Variants in SPRYD7 observed in about 807,000 individuals in gnomAD.
SPRYD7 encodes the protein SPRY domain containing 7.
A neutral mutation model predicts 23.8 loss-of-function variants in SPRYD7; 14 were observed. The observed-to-expected ratio is 0.59, with a 90% confidence interval of 0.39 to 0.92. SPRYD7 has a LOEUF of 0.92. Ranked by LOEUF, SPRYD7 falls within the 40% of genes least tolerant of loss-of-function variation. The pLI is 0.00. For synonymous variants in SPRYD7, 75 were observed against 84.9 expected (o/e 0.88, Z 0.64); for missense variants, 194 against 241.7 (o/e 0.80, Z 1.31).
chr13:49,915,536 T>A (rs1955742763), intron 4 of SPRYD7, among the ~76,000 whole-genome samples: 1 of 152,214 alleles, frequency 6.6e-6, no homozygotes, highest in African/African-American at 2.4e-5. Context: ...TCACAGGAAG[T>A]TGCAAAAATG....
At chr13:49,919,965 T>C (rs1323548462) in intron 4 of SPRYD7, among the ~76,000 whole-genome samples, 1 of 151,558 alleles carries the variant, frequency 6.6e-6, no homozygotes, top group African/African-American at 2.4e-5. Context: ...TGAAACCCGA[T>C]TGGTTACAAG....
intron 4 of SPRYD7, among the ~76,000 whole-genome samples, chr13:49,920,241 ACT>A (rs1272556390): frequency 2.7e-5 from 4 of 150,136 alleles, no homozygotes; most frequent in African/African-American, 1.0e-4. Flanking sequence ...ACACAGCAAG[ACT>A]CTGTCGCAAA....
Position 49,936,183 on chromosome 13 carries a change from C to T in SPRYD7, c.53G>A (p.Gly18Asp). Reference protein sequence around the residue: ...CLRCCRDGGTGHIPLKEMPAV... With the variant: ...CLRCCRDGGTDHIPLKEMPAV... ...CGGCATCTCCTTCAGAGGGATGTGG[C>T]CAGTCCCCCCGTCTCTGCAGCACCG... Residue 18 changes from glycine to aspartate, a missense_variant, in exon 1 of 5, where the codon GGC becomes GAC. Physicochemically the swap from Gly to Asp is moderately conservative, Grantham distance 94. Coordinates refer to ENST00000361840, the MANE Select transcript of SPRYD7 (RefSeq NM_020456.4). The T allele has an allele frequency of 6.2e-7, 1 of 1,609,750 alleles. No homozygotes were observed. Among genetic ancestry groups the T allele is most frequent in the Non-Finnish European group, 8.5e-7 (1 of 1,178,986 alleles).
intron 1 of SPRYD7, among the ~76,000 whole-genome samples, chr13:49,934,555 C>CAAAAAAAAAAAA (rs889803067): frequency 2.6e-4 from 14 of 54,340 alleles, no homozygotes; most frequent in African/African-American, 3.9e-4. Context: ...AACTCCGTCT[C>CAAAAAAAAAAAA]AAAAAAAAAA....
chr13:49,931,984 A>G (rs1027515810), intron 1 of SPRYD7, among the ~76,000 whole-genome samples: 2 of 152,234 alleles, frequency 1.3e-5, no homozygotes, highest in Non-Finnish European at 2.9e-5. Context: ...TCTGAATTAT[A>G]TTGAACGTTC....
chr13:49,917,871 A>G (rs1955770074), intron 4 of SPRYD7, among the ~76,000 whole-genome samples: 1 of 152,214 alleles, frequency 6.6e-6, no homozygotes, highest in Non-Finnish European at 1.5e-5. Context: ...ACACACATTT[A>G]CATGCAAGGA....
intron 2 of SPRYD7, among the ~76,000 whole-genome samples, chr13:49,929,493 T>A (rs1955921869): frequency 6.6e-6 from 1 of 152,162 alleles, no homozygotes; most frequent in African/African-American, 2.4e-5. Context: ...GTTTTGTTTT[T>A]GTTTTTGTAT....
chr13:49,925,539 C>T (rs932454579), intron 3 of SPRYD7, among the ~76,000 whole-genome samples: 2 of 151,962 alleles, frequency 1.3e-5, no homozygotes, highest in African/African-American at 4.8e-5. Flanking sequence ...AGGCCGGGCA[C>T]GGTGGCTCAC....
At chr13:49,931,965 T>C (rs905439037) in intron 1 of SPRYD7, among the ~76,000 whole-genome samples, 15 of 152,210 alleles carry the variant, frequency 9.9e-5, no homozygotes, top group Admixed American at 9.8e-4. Context: ...TCAAGTAAAC[T>C]GCAATAACTC....
In SPRYD7 at chr13:49,936,125, C is replaced by G. The variant is rs766639420; in HGVS notation, c.106+5G>C. The stretch of plus-strand genomic sequence containing the variant: ...CGTTGGGTCTGGGGAAGGGAGGGCC[C>G]TTACCCATGTGCTGCGTGTCCAGCT... On this transcript the variant is annotated splice_donor_5th_base_variant and intron_variant, in intron 1 of 4. Coordinates refer to ENST00000361840, the MANE Select transcript of SPRYD7 (RefSeq NM_020456.4). 6 of 1,592,344 alleles carry G rather than the reference C, an allele frequency of 3.8e-6. No homozygotes were observed. The highest frequency in any genetic ancestry group is 5.1e-6 in the Non-Finnish European group (6 of 1,171,592).
At chr13:49,925,378 TGA>T (rs1955870699) in intron 3 of SPRYD7, among the ~76,000 whole-genome samples, 1 of 148,530 alleles carries the variant, frequency 6.7e-6, no homozygotes, top group African/African-American at 2.5e-5. Context: ...GGCAACAGAG[TGA>T]GACTCCATCT....
At chr13:49,926,872 G>A (rs1955888144) in intron 3 of SPRYD7, among the ~76,000 whole-genome samples, 1 of 152,138 alleles carries the variant, frequency 6.6e-6, no homozygotes, top group Non-Finnish European at 1.5e-5. Flanking sequence ...CTAAATCAAT[G>A]GCCTGACCTC....
intron 2 of SPRYD7, 95 bp from the exon 3 acceptor site, chr13:49,928,180 G>A (rs1955905607): frequency 4.7e-6 from 5 of 1,053,972 alleles, no homozygotes; most frequent in East Asian, 5.0e-5. Context: ...AGGAAGTGCT[G>A]TATTAACACT....
At chr13:49,922,346 T>C (rs1955830925) in intron 3 of SPRYD7, among the ~76,000 whole-genome samples, 1 of 150,082 alleles carries the variant, frequency 6.7e-6, no homozygotes, top group Admixed American at 6.6e-5. Context: ...TATAAATAAA[T>C]AAAAGGCTAG....
chr13:49,913,289 G>A lies in SPRYD7; in HGVS notation c.*1774C>T, dbSNP rs566496051. The A allele has an allele frequency of 1.3e-5, 2 of 151,798 alleles. No individual in the cohort carries two copies. The highest frequency in any genetic ancestry group is 2.1e-4 in the South Asian group (1 of 4,804). 9.4% of individuals were successfully genotyped at this position (151,798 alleles called of 1,614,324 possible). On this transcript the variant is annotated 3_prime_UTR_variant, in exon 5 of 5. Coordinates refer to ENST00000361840, the MANE Select transcript of SPRYD7 (RefSeq NM_020456.4). ...ACAAAAATTACACGGGCGTGGTGGC[G>A]GGCACCTGTAGTCCCACCTACTCGG...
chr13:49,933,601 C>CA (rs147055694), intron 1 of SPRYD7, among the ~76,000 whole-genome samples: 27,195 of 94,264 alleles, frequency 0.29, 3,263 homozygotes, highest in East Asian at 0.42. Flanking sequence ...GATTCCCTCT[C>CA]AAAAAAAAAA....
At chr13:49,926,581 C>A (rs1227026059) in intron 3 of SPRYD7, among the ~76,000 whole-genome samples, 3 of 152,000 alleles carry the variant, frequency 2.0e-5, no homozygotes, top group Non-Finnish European at 4.4e-5. Flanking sequence ...AAAAAAACTT[C>A]CAACAATTAA....
At chr13:49,917,498 A>G (rs1955766253) in intron 4 of SPRYD7, among the ~76,000 whole-genome samples, 1 of 152,146 alleles carries the variant, frequency 6.6e-6, no homozygotes, top group African/African-American at 2.4e-5. Context: ...GAATGATTGG[A>G]TTGATCAAGG....
chr13:49,923,692 G>A (rs1436432566), intron 3 of SPRYD7, among the ~76,000 whole-genome samples: 6 of 151,734 alleles, frequency 4.0e-5, no homozygotes, highest in South Asian at 2.1e-4. Flanking sequence ...TCACTCTGTC[G>A]CCCAGGCTGG....
Sources: gnomAD v4.1 joint callset for allele counts (sites outside exome capture counted in the v4.1 genomes callset) on GRCh38, gnomAD v4.1.1 for gene constraint, MANE v1.5 for transcripts, NCBI Gene and HGNC (gene_info 2026-07-23, HGNC 2026-07-21) for gene names.